The following RPN1 variants were observed in gnomAD, a reference collection of about 807,000 sequenced individuals.
RPN1 encodes the protein dolichyl-diphosphooligosaccharide--protein glycosyltransferase subunit 1.
RPN1 carries 12 observed loss-of-function variants against 55.5 expected under a neutral mutation model. That is an observed-to-expected ratio of 0.22 (90% CI 0.14 to 0.35). The LOEUF (loss-of-function observed/expected upper bound fraction) is 0.35, where lower values mean the gene tolerates loss of function less well. RPN1 is among the 10% of genes least tolerant of loss of function. RPN1 has a pLI of 1.00. For synonymous variants in RPN1, 317 were observed against 305.9 expected, an observed-to-expected ratio of 1.04 and a Z score of -0.38; for missense variants, 679 against 761.3, an observed-to-expected ratio of 0.89 and a Z score of 1.27.
intron 5 of RPN1, among the ~76,000 whole-genome samples, chr3:128,629,644 T>C (rs2069627408): frequency 6.6e-6 from 1 of 152,250 alleles, no homozygotes. Context: ...GTGTTTTTTA[T>C]TATTCTCTGA....
At chr3:128,630,541 T>A (rs2069633572) in intron 4 of RPN1, among the ~76,000 whole-genome samples, 1 of 152,172 alleles carries the variant, frequency 6.6e-6, no homozygotes, top group African/African-American at 2.4e-5. Flanking sequence ...TATACTTTAT[T>A]GTATCTTCCA....
rs538323850 is a variant in RPN1, at chr3:128,650,511, A to G, written c.261+29T>C. 113 of 1,513,684 alleles carry G rather than the reference A, an allele frequency of 7.5e-5. 1 individual carries two copies. The South Asian group carries it at 1.4e-3, about 18-fold the overall frequency. The allele number at this position is 1,513,684 out of a possible 1,614,324, so 93.8% of individuals were successfully genotyped here. On this transcript the variant is annotated intron_variant, in intron 1 of 9. Coordinates refer to ENST00000296255, the MANE Select transcript of RPN1 (RefSeq NM_002950.4). ...GAAGGGAGGCGGGAAGGGTCCCGGG[A>G]GCGGCGGCGAGGGGTCGCCCACACT...
chr3:128,626,615 G>T, intron 6 of RPN1, 118 bp downstream of exon 6: 1 of 840,978 alleles, frequency 1.2e-6, no homozygotes, highest in Non-Finnish European at 1.9e-6. Flanking sequence ...CCCTGATAAA[G>T]TAAATCTAGA....
At chr3:128,640,033 G>A (rs1008521419) in intron 2 of RPN1, among the ~76,000 whole-genome samples, 11 of 152,190 alleles carry the variant, frequency 7.2e-5, no homozygotes, top group Middle Eastern at 6.8e-3. Context: ...TTAGCCGGGC[G>A]TGGTGGCAGG....
intron 1 of RPN1, among the ~76,000 whole-genome samples, chr3:128,648,227 T>C (rs1263188316): frequency 1.3e-5 from 2 of 151,978 alleles, no homozygotes; most frequent in Non-Finnish European, 2.9e-5. Flanking sequence ...ACCCTGTCTC[T>C]ACAAAAAAAA....
chr3:128,649,443 T>C (rs75988910), intron 1 of RPN1, among the ~76,000 whole-genome samples: 5,276 of 152,250 alleles, frequency 0.035, 185 homozygotes, highest in Admixed American at 0.09. Flanking sequence ...CCACAAGCCT[T>C]TGAGTAAAAC....
intron 8 of RPN1, 102 bp downstream of exon 8, chr3:128,625,432 C>A: frequency 1.3e-6 from 2 of 1,568,600 alleles, no homozygotes; most frequent in South Asian, 1.1e-5. Flanking sequence ...GGTCTTTTGG[C>A]CATGGCGTCC....
At chr3:128,636,130 C>A (rs9756624) in intron 3 of RPN1, among the ~76,000 whole-genome samples, 1 of 152,032 alleles carries the variant, frequency 6.6e-6, no homozygotes, top group Non-Finnish European at 1.5e-5. Context: ...CAACCCAAAA[C>A]GAACAGCCCT....
chr3:128,644,845 G>C (rs1348224921), intron 2 of RPN1, 74 bp downstream of exon 2: 8 of 861,088 alleles, frequency 9.3e-6, no homozygotes, highest in Non-Finnish European at 1.6e-5. Context: ...AACTCTCCTA[G>C]TTTATGATCC....
chr3:128,626,466 C>T (rs547936538), intron 6 of RPN1, among the ~76,000 whole-genome samples: 20 of 152,342 alleles, frequency 1.3e-4, no homozygotes, highest in African/African-American at 4.8e-4. Flanking sequence ...GTCCCTTCTC[C>T]TGGTAAACAG....
intron 2 of RPN1, among the ~76,000 whole-genome samples, chr3:128,642,756 C>T (rs1246296164): frequency 2.0e-5 from 3 of 152,050 alleles, no homozygotes; most frequent in African/African-American, 4.8e-5. Flanking sequence ...GGCGCAGTGG[C>T]TCACAACTGT....
rs1330765882 is a variant in RPN1 at position 128,625,938 on chromosome 3, A to G, written c.1211T>C (p.Phe404Ser). ...GTAGGCAACAATCACAGGGCGGCCA[A>G]ATGTGTCCAGATAGGTGTAGTGCAG... The part of the protein sequence containing the change: ...DELHYTYLDT[F>S]GRPVIVAYKK... Residue 404 changes from phenylalanine to serine, a missense_variant, in exon 7 of 10, where the codon TTT (phenylalanine) becomes TCT (serine). Phe to Ser is a radical substitution (Grantham distance 155). Coordinates refer to ENST00000296255, the MANE Select transcript of RPN1 (RefSeq NM_002950.4). 6.2e-7 allele frequency: 1 copy of G among 1,613,986 alleles called. No individual in the cohort carries two copies. Among genetic ancestry groups the G allele is most frequent in the Non-Finnish European group, 8.5e-7 (1 of 1,179,920 alleles).
chr3:128,642,961 G>A (rs531757303), intron 2 of RPN1, among the ~76,000 whole-genome samples: 9 of 151,716 alleles, frequency 5.9e-5, no homozygotes, highest in Admixed American at 1.3e-4. Context: ...AGGTTGCAGT[G>A]AGCCGAGATC....
At chr3:128,635,526 C>T (rs938250043) in intron 3 of RPN1, among the ~76,000 whole-genome samples, 6 of 151,132 alleles carry the variant, frequency 4.0e-5, no homozygotes, top group Non-Finnish European at 8.8e-5. Context: ...GTCTTGAACT[C>T]CTAGCTTCAA....
At chr3:128,646,632 G>A (rs1196268548) in intron 1 of RPN1, among the ~76,000 whole-genome samples, 1 of 151,750 alleles carries the variant, frequency 6.6e-6, no homozygotes. Flanking sequence ...GCTGCAGTGA[G>A]CCATGACCAT....
At position 128,620,516 on chromosome 3, in the gene RPN1, C is replaced by A. The variant is rs775392538; in HGVS notation, c.1719G>T (p.Val573=). The A allele has an allele frequency of 1.2e-6, 2 of 1,614,156 alleles. No individual in the cohort carries two copies. The highest frequency in any genetic ancestry group is 1.7e-5 in the Admixed American group (1 of 60,014). Residue 573 remains valine (V), a synonymous_variant, in exon 10 of 10, where the codon GTG becomes GTT. Transcript: ENST00000296255. ...LKSAVEAERL[V]AGKLKKDTYI... The stretch of plus-strand genomic sequence containing the variant: ...ACGTGTCTTTCTTGAGCTTGCCAGC[C>A]ACCAGGCGCTCAGCCTCCACCGCCG...
rs777405053 is a variant in RPN1, at chr3:128,650,783, G to A, written c.18C>T (p.Ala6=). 64 of 1,536,848 alleles carry A rather than the reference G, an allele frequency of 4.2e-5. No individual in the cohort carries two copies. The highest frequency in any genetic ancestry group is 1.1e-4 in the African/African-American group (8 of 72,760). Residue 6 remains alanine (A), a synonymous_variant, in exon 1 of 10, where the codon GCC becomes GCT. Transcript: ENST00000296255. ...CAAGCAACAGGAGCAGAAACAAGCCGGCGGCTGGCGCCTCCATGACCGGGA... is the reference window on the plus strand; with the variant it reads ...CAAGCAACAGGAGCAGAAACAAGCCAGCGGCTGGCGCCTCCATGACCGGGA... MEAPA[A]GLFLLLLLGT...
At chr3:128,624,596 C>T (rs769883859) in intron 8 of RPN1, among the ~76,000 whole-genome samples, 6 of 152,198 alleles carry the variant, frequency 3.9e-5, no homozygotes, top group Non-Finnish European at 7.3e-5. Flanking sequence ...CCTGCTGTCT[C>T]ACAAACATCA....
intron 8 of RPN1, among the ~76,000 whole-genome samples, chr3:128,623,769 A>G (rs978296620): frequency 1.3e-5 from 2 of 152,134 alleles, no homozygotes; most frequent in African/African-American, 4.8e-5. Context: ...TACATTACCC[A>G]TTCTTTGAGG....
Sources: allele counts gnomAD v4.1 joint callset (sites outside exome capture counted in the v4.1 genomes callset), GRCh38; gene constraint gnomAD v4.1.1; transcripts MANE v1.5; gene names NCBI Gene and HGNC (gene_info 2026-07-23, HGNC 2026-07-21).